Variants in PIGK observed in about 807,000 individuals in gnomAD.
The protein encoded by PIGK is phosphatidylinositol glycan anchor biosynthesis class K.
PIGK carries 42 observed loss-of-function variants against 50.6 expected under a neutral mutation model. The observed-to-expected ratio is 0.83, with a 90% confidence interval of 0.65 to 1.07. The LOEUF (loss-of-function observed/expected upper bound fraction) is 1.07. Ranked by LOEUF, PIGK falls within the 50% of genes least tolerant of loss-of-function variation. The probability of loss-of-function intolerance (pLI) is 0.00; values close to 1 mark genes in which losing one functional copy is unlikely to be tolerated. For synonymous variants in PIGK, 151 were observed against 156.0 expected (o/e 0.97, Z 0.24); for missense variants, 448 against 488.7 (o/e 0.92, Z 0.78).
chr1:77,137,097 T>A (rs560906590), intron 9 of PIGK, among the ~76,000 whole-genome samples: 1 of 152,206 alleles, frequency 6.6e-6, no homozygotes, highest in Non-Finnish European at 1.5e-5. Flanking sequence ...GCAGCAAGAA[T>A]AACAGGGCTC....
chr1:77,206,780 T>C (rs769616961), intron 2 of PIGK, 49 bp from the exon 3 acceptor site: 2 of 1,055,512 alleles, frequency 1.9e-6, no homozygotes, highest in Non-Finnish European at 3.0e-6. Context: ...AGGCTAACCA[T>C]GGAGCTGCAG....
rs149804209 is a variant in PIGK, at chr1:77,103,575, C to T, written c.1072-11085G>A. Among the ~76,000 whole-genome samples, 394 of 152,292 alleles carry T rather than the reference C, an allele frequency of 2.6e-3. 2 individuals carry two copies. The highest frequency in any genetic ancestry group is 8.4e-3 in the African/African-American group (348 of 41,574). On this transcript the variant is annotated intron_variant, in intron 10 of 10. Coordinates refer to ENST00000370812, the MANE Select transcript of PIGK (RefSeq NM_005482.3). ...CCAGTTTTCTGATCCCTGAGAAAAA[C>T]GAAACAAATGAGTCCTTTAATTGCC...
chr1:77,129,634 A>T, intron 9 of PIGK: 1 of 1,469,588 alleles, frequency 6.8e-7, no homozygotes, highest in Non-Finnish European at 9.3e-7. Flanking sequence ...TCCCAGAAGA[A>T]ACTGAAGAAA....
intron 9 of PIGK, among the ~76,000 whole-genome samples, chr1:77,142,290 G>GA (rs761679527): frequency 6.6e-5 from 10 of 152,132 alleles, no homozygotes; most frequent in Non-Finnish European, 1.5e-4. Context: ...AGATGGCATT[G>GA]TATTGCTCAT....
At chr1:77,131,135 C>A (rs1654363663) in intron 9 of PIGK, among the ~76,000 whole-genome samples, 2 of 151,878 alleles carry the variant, frequency 1.3e-5, no homozygotes, top group South Asian at 2.1e-4. Context: ...AGATGTACAT[C>A]TTTTAAGATG....
chr1:77,210,322 T>C, intron 2 of PIGK, 114 bp downstream of exon 2: 1 of 547,668 alleles, frequency 1.8e-6, no homozygotes, highest in Non-Finnish European at 3.2e-6. Flanking sequence ...AAATAAAGAA[T>C]TTCTGATATA....
intron 10 of PIGK, among the ~76,000 whole-genome samples, chr1:77,093,396 T>C (rs1653340442): frequency 6.6e-6 from 1 of 152,118 alleles, no homozygotes. Flanking sequence ...AATGATTTCT[T>C]TTCTACTTAC....
chr1:77,165,220 T>A (rs986989866), intron 5 of PIGK, among the ~76,000 whole-genome samples: 1 of 152,000 alleles, frequency 6.6e-6, no homozygotes, highest in Non-Finnish European at 1.5e-5. Flanking sequence ...AAACAAAAAA[T>A]AATAATAATA....
At chr1:77,214,035 T>C (rs573407290) in intron 1 of PIGK, among the ~76,000 whole-genome samples, 2 of 152,220 alleles carry the variant, frequency 1.3e-5, no homozygotes, top group African/African-American at 4.8e-5. Context: ...CTTGAAGCAG[T>C]AATAAAAGTC....
At chr1:77,136,076 C>A (rs1654506425) in intron 9 of PIGK, among the ~76,000 whole-genome samples, 1 of 152,102 alleles carries the variant, frequency 6.6e-6, no homozygotes, top group South Asian at 2.1e-4. Context: ...TATTTTGATA[C>A]CAAACACTCT....
intron 9 of PIGK, among the ~76,000 whole-genome samples, chr1:77,137,863 CA>C (rs1654556349): frequency 6.6e-6 from 1 of 152,212 alleles, no homozygotes; most frequent in Non-Finnish European, 1.5e-5. Context: ...CTCGGCCTCC[CA>C]AAGTGCTGGG....
intron 10 of PIGK, among the ~76,000 whole-genome samples, chr1:77,115,116 A>G (rs954038721): frequency 6.6e-6 from 1 of 152,226 alleles, no homozygotes; most frequent in Non-Finnish European, 1.5e-5. Context: ...TAAAATGCCA[A>G]AATTGCAACA....
chr1:77,153,233 T>C (rs538944177), intron 9 of PIGK, among the ~76,000 whole-genome samples: 23 of 152,256 alleles, frequency 1.5e-4, no homozygotes, highest in African/African-American at 4.3e-4. Context: ...CTGGAAGTTA[T>C]TGTTAAGTGA....
chr1:77,171,675 A>G (rs1353628720), intron 3 of PIGK, among the ~76,000 whole-genome samples: 1 of 152,084 alleles, frequency 6.6e-6, no homozygotes, highest in Non-Finnish European at 1.5e-5. Context: ...ATATTATAAA[A>G]CACTGTACTT....
intron 3 of PIGK, among the ~76,000 whole-genome samples, chr1:77,170,279 G>T (rs900331785): frequency 3.9e-5 from 6 of 151,972 alleles, no homozygotes; most frequent in Non-Finnish European, 8.8e-5. Context: ...ATATAATCTG[G>T]TCTCTGTCTC....
intron 3 of PIGK, chr1:77,195,510 C>T (rs1021165895): frequency 1.5e-5 from 9 of 603,268 alleles, no homozygotes; most frequent in Middle Eastern, 5.3e-4. Flanking sequence ...CACAGTTTTA[C>T]GGAAATTCAA....
In PIGK at chr1:77,092,486, G is replaced by A. The variant is rs769572940; in HGVS notation, c.1076C>T (p.Pro359Leu). 2.4e-5 allele frequency: 36 copies of A among 1,525,090 alleles called. No homozygotes were observed. Among genetic ancestry groups the A allele is most frequent in the East Asian group, 1.8e-4 (8 of 44,050 alleles). 94.5% of individuals were successfully genotyped at this position (1,525,090 alleles called of 1,614,324 possible). A position where few individuals can be genotyped will look rare whatever the true frequency, so the allele number is the denominator to read the frequency against. The change falls in exon 11 of 11, where the codon CCG (proline) becomes CTG (leucine). Residue 359 changes from proline to leucine, a missense_variant. Coordinates refer to ENST00000370812, the MANE Select transcript of PIGK (RefSeq NM_005482.3). ...LPVAQIIHQK[P>L]KLKDWHPPGG... ...AGGAGGATGCCAGTCTTTCAGCTTCGGTTTCTGCAAAACAAGAATAACATG... is the reference window on the plus strand; with the variant it reads ...AGGAGGATGCCAGTCTTTCAGCTTCAGTTTCTGCAAAACAAGAATAACATG...
At position 77,091,638 on chromosome 1, in the gene PIGK, T is replaced by TA. The variant is rs1653300635; in HGVS notation, c.*735dup. The TA allele has an allele frequency of 6.6e-6, 1 of 152,142 alleles. No homozygotes were observed. Among genetic ancestry groups the TA allele is most frequent in the African/African-American group, 2.4e-5 (1 of 41,438 alleles). The allele number at this position is 152,142 out of a possible 1,614,324, so 9.4% of individuals were successfully genotyped here. ...TATCAAAGGTCTAAAATTTCCCAAA[T>TA]AAACTGACAACAAACATATAAGGTC... is the stretch of plus-strand genomic sequence containing the variant. On this transcript the variant is annotated 3_prime_UTR_variant, in exon 11 of 11. Coordinates refer to ENST00000370812, the MANE Select transcript of PIGK (RefSeq NM_005482.3).
intron 10 of PIGK, among the ~76,000 whole-genome samples, chr1:77,116,648 A>C (rs1014561573): frequency 1.3e-5 from 2 of 151,286 alleles, no homozygotes; most frequent in African/African-American, 4.9e-5. Context: ...TGAGATACTA[A>C]AGATAAACTT....
Sources: allele counts gnomAD v4.1 joint callset (sites outside exome capture counted in the v4.1 genomes callset), GRCh38; gene constraint gnomAD v4.1.1; transcripts MANE v1.5; gene names NCBI Gene and HGNC (gene_info 2026-07-23, HGNC 2026-07-21).